Variants in SLC24A2 observed in about 807,000 individuals in gnomAD.
The protein encoded by SLC24A2 is sodium/potassium/calcium exchanger 2.
A neutral mutation model predicts 62.0 loss-of-function variants in SLC24A2; 36 were observed. That is an observed-to-expected ratio of 0.58 (90% CI 0.44 to 0.77). SLC24A2 has a LOEUF of 0.77. Ranked by LOEUF, SLC24A2 falls within the 30% of genes least tolerant of loss-of-function variation. The pLI is 0.00. For missense variants in SLC24A2, 846 were observed against 817.9 expected, an observed-to-expected ratio of 1.03 and a Z score of -0.42; for synonymous variants, 358 against 294.0, an observed-to-expected ratio of 1.22 and a Z score of -2.23.
At chr9:20,161,128 G>C in the SLC24A2 span, among the ~76,000 whole-genome samples, 1 of 151,284 alleles carries the variant, frequency 6.6e-6, no homozygotes, top group Non-Finnish European at 1.5e-5. Context: ...AATTAAATTT[G>C]AAAACTTAGA....
chr9:19,526,153 A>T (rs112941220), intron 9 of SLC24A2, among the ~76,000 whole-genome samples: 3 of 152,168 alleles, frequency 2.0e-5, no homozygotes, highest in African/African-American at 7.2e-5. Context: ...ATATTTTCGA[A>T]TTTCACTCAT....
the SLC24A2 span, among the ~76,000 whole-genome samples, chr9:19,832,981 C>A: frequency 6.6e-6 from 1 of 151,906 alleles, no homozygotes; most frequent in Non-Finnish European, 1.5e-5. Context: ...CCAAAAGACA[C>A]ATGAAAAAAT....
chr9:20,053,342 G>C, the SLC24A2 span, among the ~76,000 whole-genome samples: 1 of 152,148 alleles, frequency 6.6e-6, no homozygotes, highest in Non-Finnish European at 1.5e-5. Context: ...TGCCACAATA[G>C]AGGGGCATAA....
the SLC24A2 span, among the ~76,000 whole-genome samples, chr9:19,906,380 G>T: frequency 6.6e-6 from 1 of 151,470 alleles, no homozygotes; most frequent in African/African-American, 2.4e-5. Context: ...AAGCAGGAAA[G>T]ATCTAAAATT....
At chr9:19,775,135 T>C (rs1822808122) in intron 2 of SLC24A2, among the ~76,000 whole-genome samples, 1 of 152,200 alleles carries the variant, frequency 6.6e-6, no homozygotes, top group Non-Finnish European at 1.5e-5. Context: ...CTACATTAAA[T>C]ATGGCCTGGC....
chr9:20,082,305 A>T, the SLC24A2 span, among the ~76,000 whole-genome samples: 2 of 152,102 alleles, frequency 1.3e-5, no homozygotes, highest in Non-Finnish European at 2.9e-5. Flanking sequence ...GCATTGTCTC[A>T]GTTGTGTGGG....
At chr9:20,099,655 C>G in the SLC24A2 span, among the ~76,000 whole-genome samples, 1 of 151,998 alleles carries the variant, frequency 6.6e-6, no homozygotes, top group Non-Finnish European at 1.5e-5. Flanking sequence ...AGGGGATGAC[C>G]AAACATCAAC....
chr9:19,759,941 T>C (rs930784855), intron 2 of SLC24A2, among the ~76,000 whole-genome samples: 2 of 152,198 alleles, frequency 1.3e-5, no homozygotes, highest in Admixed American at 1.3e-4. Context: ...TTAATGTTTA[T>C]CATCCTGCTT....
chr9:19,532,645 G>A (rs200585220), intron 8 of SLC24A2, among the ~76,000 whole-genome samples: 2 of 152,194 alleles, frequency 1.3e-5, no homozygotes, highest in African/African-American at 2.4e-5. Flanking sequence ...TGACTGTGAA[G>A]ACCTGGCCCA....
chr9:19,689,943 G>C (rs147984774), intron 2 of SLC24A2, among the ~76,000 whole-genome samples: 9 of 152,204 alleles, frequency 5.9e-5, no homozygotes, highest in African/African-American at 2.2e-4. Flanking sequence ...CCAAACTACT[G>C]AGTGCCTGAA....
chr9:20,050,181 A>G, the SLC24A2 span, among the ~76,000 whole-genome samples: 3 of 150,082 alleles, frequency 2.0e-5, no homozygotes, highest in African/African-American at 7.4e-5. Flanking sequence ...AGCTAATTGA[A>G]TCAGTGTAAA....
the SLC24A2 span, among the ~76,000 whole-genome samples, chr9:20,123,627 C>T: frequency 7.2e-5 from 11 of 152,224 alleles, no homozygotes; most frequent in Middle Eastern, 3.4e-3. Context: ...GAAAAAATAA[C>T]GTCTGCCTCA....
At chr9:20,273,227 C>T in the SLC24A2 span, among the ~76,000 whole-genome samples, 2 of 152,164 alleles carry the variant, frequency 1.3e-5, no homozygotes, top group African/African-American at 4.8e-5. Flanking sequence ...CAGACACTGC[C>T]CCACCTTTTT....
intron 4 of SLC24A2, among the ~76,000 whole-genome samples, chr9:19,607,181 G>C (rs1011360271): frequency 5.9e-5 from 9 of 152,150 alleles, no homozygotes; most frequent in Non-Finnish European, 1.3e-4. Context: ...ATTTCGAATA[G>C]GAAGTCTTTG....
At chr9:20,025,899 A>G in the SLC24A2 span, among the ~76,000 whole-genome samples, 1 of 152,280 alleles carries the variant, frequency 6.6e-6, no homozygotes, top group South Asian at 2.1e-4. Flanking sequence ...CACTGCTATT[A>G]AAGAATTATT....
At chr9:20,143,161 G>A in the SLC24A2 span, among the ~76,000 whole-genome samples, 2 of 152,302 alleles carry the variant, frequency 1.3e-5, no homozygotes, top group Non-Finnish European at 2.9e-5. Context: ...GTGAGTGGAA[G>A]TGACATGCAA....
At chr9:20,250,553 G>T in the SLC24A2 span, among the ~76,000 whole-genome samples, 2 of 152,090 alleles carry the variant, frequency 1.3e-5, no homozygotes, top group African/African-American at 4.8e-5. Context: ...AATCTTTATA[G>T]CAGGGTCCAG....
chr9:19,656,492 A>C (rs1818946547), intron 2 of SLC24A2, among the ~76,000 whole-genome samples: 1 of 151,988 alleles, frequency 6.6e-6, no homozygotes, highest in African/African-American at 2.4e-5. Context: ...TATTCATTCA[A>C]CTCTCTTATT....
chr9:19,548,221 G>A (rs1461885247), intron 8 of SLC24A2, among the ~76,000 whole-genome samples: 2 of 147,528 alleles, frequency 1.4e-5, no homozygotes, highest in African/African-American at 2.7e-5. Context: ...AAATTATGCT[G>A]GAAGTTATCA....
Sources: gnomAD v4.1 joint callset for allele counts (sites outside exome capture counted in the v4.1 genomes callset) on GRCh38, gnomAD v4.1.1 for gene constraint, MANE v1.5 for transcripts, NCBI Gene and HGNC (gene_info 2026-07-23, HGNC 2026-07-21) for gene names.